MAP1B: variants seen among roughly 807,000 people sequenced by gnomAD.
MAP1B encodes microtubule-associated protein 1B.
MAP1B carries 12 observed loss-of-function variants against 176.1 expected under a neutral mutation model. The observed-to-expected ratio is 0.07, with a 90% confidence interval of 0.04 to 0.11. The LOEUF (loss-of-function observed/expected upper bound fraction) is 0.11. Ranked by LOEUF, MAP1B falls within the 10% of genes least tolerant of loss-of-function variation. The pLI, the probability that MAP1B is intolerant of heterozygous loss-of-function variation, is 1.00. For synonymous variants in MAP1B, 1,044 were observed against 1,135.0 expected, an observed-to-expected ratio of 0.92 and a Z score of 1.61; for missense variants, 2,523 against 2,990.5, an observed-to-expected ratio of 0.84 and a Z score of 3.65.
At chr5:72,176,665 A>G (rs932485213) in intron 2 of MAP1B, among the ~76,000 whole-genome samples, 4 of 152,180 alleles carry the variant, frequency 2.6e-5, no homozygotes, top group African/African-American at 7.2e-5. Flanking sequence ...ATTTCTATGT[A>G]TTAGCCTTGT....
At position 72,198,215 on chromosome 5, in the gene MAP1B, T is replaced by C. The variant is rs1222545055; in HGVS notation, c.4860T>C (p.Ser1620=). The part of the protein sequence containing the change: ...KEECPRPMSI[S]PPDFSPKTAK... Reference sequence around the variant, plus strand: ...AATGCCCAAGACCGATGTCAATTTCTCCACCAGATTTCTCCCCTAAAACTG... The same window carrying C: ...AATGCCCAAGACCGATGTCAATTTCCCCACCAGATTTCTCCCCTAAAACTG... The change falls in exon 5 of 7, where the codon TCT becomes TCC. Residue 1620 remains serine (S), a synonymous_variant. Coordinates refer to ENST00000296755, the MANE Select transcript of MAP1B (RefSeq NM_005909.5). 3 of 1,614,194 alleles carry C rather than the reference T, an allele frequency of 1.9e-6. No homozygotes were observed. The South Asian group carries it at 3.3e-5, about 18-fold the overall frequency.
intron 1 of MAP1B, 57 bp downstream of exon 1, chr5:72,107,772 A>C: frequency 6.4e-7 from 1 of 1,573,848 alleles, no homozygotes; most frequent in East Asian, 2.3e-5. Flanking sequence ...ACACGACCCC[A>C]CCCAGGGCGC....
rs1265653191 is a variant in MAP1B, at chr5:72,183,723, T to C, written c.287-20T>C. The C allele has an allele frequency of 6.2e-7, 1 of 1,605,782 alleles. No individual in the cohort carries two copies. Among genetic ancestry groups the C allele is most frequent in the African/African-American group, 1.3e-5 (1 of 74,780 alleles). On this transcript the variant is annotated intron_variant, in intron 2 of 6. Coordinates refer to ENST00000296755, the MANE Select transcript of MAP1B (RefSeq NM_005909.5). ...AAAAGCTAAAGGTCTCCTCTTTTGT[T>C]TGTGTTTTTGTGCCTGCAGGACAAA...
intron 2 of MAP1B, among the ~76,000 whole-genome samples, chr5:72,116,225 C>A (rs1288824719): frequency 6.6e-6 from 1 of 152,092 alleles, no homozygotes; most frequent in East Asian, 1.9e-4. Flanking sequence ...ATTCTGAATA[C>A]AAATTGGATG....
At chr5:72,179,124 A>C (rs997568231) in intron 2 of MAP1B, among the ~76,000 whole-genome samples, 36 of 152,034 alleles carry the variant, frequency 2.4e-4, no homozygotes, top group African/African-American at 8.2e-4. Context: ...CTTTTGTCAC[A>C]CACAATCTTC....
In MAP1B at chr5:72,199,878, G is replaced by A. The variant is rs1747290797; in HGVS notation, c.6523G>A (p.Asp2175Asn). The change falls in exon 5 of 7, where the codon GAT becomes AAT. Residue 2175 changes from aspartate to asparagine, a missense_variant. This residue lies in a region of MAP1B where 287 missense variants were observed against 401.5 expected (regional missense o/e 0.71). Transcript: ENST00000296755. This position sits in a 1 kb window ranked among gnomAD's most constrained non-coding sequence, Gnocchi z 4.2. ...TGAAGAGTGCCCCTCCATCACGGCC[G>A]ATGCCAATATCGACTCTGAAGACGA... ...ETEECPSITA[D>N]ANIDSEDESE... 2.5e-6 allele frequency: 4 copies of A among 1,614,026 alleles called. No individual in the cohort carries two copies. Among genetic ancestry groups the A allele is most frequent in the South Asian group, 1.1e-5 (1 of 91,084 alleles).
At chr5:72,113,376 A>G (rs1050663263) in intron 1 of MAP1B, among the ~76,000 whole-genome samples, 3 of 152,202 alleles carry the variant, frequency 2.0e-5, no homozygotes, top group Non-Finnish European at 4.4e-5. Context: ...AATGAGAAAT[A>G]TTTTTATCAG....
At chr5:72,133,874 G>A (rs188985863) in intron 2 of MAP1B, among the ~76,000 whole-genome samples, 313 of 152,304 alleles carry the variant, frequency 2.1e-3, no homozygotes, top group African/African-American at 7.1e-3. Flanking sequence ...TGGTTTCTTT[G>A]TAGCATTATC....
intron 2 of MAP1B, among the ~76,000 whole-genome samples, chr5:72,143,264 A>G (rs1237215426): frequency 1.3e-5 from 2 of 152,260 alleles, no homozygotes; most frequent in Non-Finnish European, 2.9e-5. Flanking sequence ...GATGCCAAAT[A>G]GAAAAGATAA....
Position 72,197,076 on chromosome 5 carries a change from G to T in MAP1B, c.3721G>T (p.Asp1241Tyr), listed in dbSNP as rs752661585. 1 of 1,614,226 alleles carries T rather than the reference G, an allele frequency of 6.2e-7. No individual in the cohort carries two copies. The highest frequency in any genetic ancestry group is 1.7e-5 in the Admixed American group (1 of 60,026). The change falls in exon 5 of 7, where the codon GAT (aspartate) becomes TAT (tyrosine). Residue 1241 changes from aspartate to tyrosine, a missense_variant. Transcript: ENST00000296755. ...VKASTTLDIK[D>Y]SISAVSSEKV... ...AGCCAGCACCACTTTGGACATCAAAGATAGCATCTCAGCTGTTTCAAGTGA... is the reference window on the plus strand; with the variant it reads ...AGCCAGCACCACTTTGGACATCAAATATAGCATCTCAGCTGTTTCAAGTGA...
chr5:72,161,889 G>A (rs567419892), intron 2 of MAP1B, among the ~76,000 whole-genome samples: 4 of 150,460 alleles, frequency 2.7e-5, no homozygotes, highest in East Asian at 3.9e-4. Context: ...CCCGGGAGGC[G>A]GAGGTTGCAG....
intron 2 of MAP1B, among the ~76,000 whole-genome samples, chr5:72,139,165 G>A (rs1449323008): frequency 4.6e-5 from 7 of 152,100 alleles, no homozygotes; most frequent in African/African-American, 7.2e-5. Context: ...GACATGGCAC[G>A]AAAAGCCACG....
rs180749965 is a variant in MAP1B, at chr5:72,200,513, C to T, written c.7012+146C>T. ...CCTTCCCTGTACTCTTCTCCTCTGCCCAAAGGTATATATCTCAGTCCAGTG... is the reference window on the plus strand; with the variant it reads ...CCTTCCCTGTACTCTTCTCCTCTGCTCAAAGGTATATATCTCAGTCCAGTG... On this transcript the variant is annotated intron_variant, in intron 5 of 6. Coordinates refer to ENST00000296755, the MANE Select transcript of MAP1B (RefSeq NM_005909.5). The T allele has an allele frequency of 7.3e-5, 77 of 1,051,370 alleles. No homozygotes were observed. In the African/African-American group the frequency reaches 1.2e-3, roughly 16 times the overall value. 65.1% of individuals were successfully genotyped at this position (1,051,370 alleles called of 1,614,324 possible).
At chr5:72,158,164 T>A (rs1746262622) in intron 2 of MAP1B, among the ~76,000 whole-genome samples, 1 of 151,708 alleles carries the variant, frequency 6.6e-6, no homozygotes, top group African/African-American at 2.4e-5. Context: ...GCCTGCCACC[T>A]CGCCCGGCTA....
chr5:72,110,947 A>G (rs1372182852), intron 1 of MAP1B, among the ~76,000 whole-genome samples: 9 of 152,226 alleles, frequency 5.9e-5, no homozygotes, highest in Non-Finnish European at 1.3e-4. Flanking sequence ...TTTCTCAACT[A>G]TATTCGGAAA....
chr5:72,148,724 CAGG>C (rs1265206019), intron 2 of MAP1B, among the ~76,000 whole-genome samples: 2 of 152,244 alleles, frequency 1.3e-5, no homozygotes, highest in Non-Finnish European at 2.9e-5. Flanking sequence ...TGCAGTAATG[CAGG>C]AGAAGACTCC....
At chr5:72,148,642 T>C (rs1746088593) in intron 2 of MAP1B, among the ~76,000 whole-genome samples, 2 of 152,220 alleles carry the variant, frequency 1.3e-5, no homozygotes, top group African/African-American at 4.8e-5. Context: ...CCCTAGGACG[T>C]GGATCCACTT....
At position 72,199,675 on chromosome 5, in the gene MAP1B, T is replaced by C; in HGVS notation, c.6320T>C (p.Leu2107Pro). 1 of 1,614,176 alleles carries C rather than the reference T, an allele frequency of 6.2e-7. No individual in the cohort carries two copies. Among genetic ancestry groups the C allele is most frequent in the South Asian group, 1.1e-5 (1 of 91,074 alleles). The part of the protein sequence containing the change: ...LSPSFINPNP[L>P]EWFASEEPTE... Reference sequence around the variant, plus strand: ...CCCTCTTTCATTAATCCCAATCCTCTTGAGTGGTTTGCCAGTGAAGAACCC... The same window carrying C: ...CCCTCTTTCATTAATCCCAATCCTCCTGAGTGGTTTGCCAGTGAAGAACCC... The change falls in exon 5 of 7, where the codon CTT becomes CCT. Residue 2107 changes from leucine to proline, a missense_variant. Coordinates refer to ENST00000296755, the MANE Select transcript of MAP1B (RefSeq NM_005909.5). The surrounding 1 kb of genome is among the most constrained non-coding windows in gnomAD (Gnocchi z 4.2).
At chr5:72,140,680 A>G (rs994336555) in intron 2 of MAP1B, among the ~76,000 whole-genome samples, 2 of 152,232 alleles carry the variant, frequency 1.3e-5, no homozygotes, top group African/African-American at 4.8e-5. Flanking sequence ...AGATTTACAC[A>G]TATCCAGTGT....
Sources: gnomAD v4.1 joint callset for allele counts (sites outside exome capture counted in the v4.1 genomes callset) on GRCh38, gnomAD v4.1.1 for gene constraint, gnomAD v4.1.1 regional missense constraint, Gnocchi (gnomAD v3.1) non-coding constraint, MANE v1.5 for transcripts, NCBI Gene and HGNC (gene_info 2026-07-23, HGNC 2026-07-21) for gene names.